The following CGREF1 variants were observed in gnomAD, a reference collection of about 807,000 sequenced individuals.
CGREF1 encodes cell growth regulator with EF hand domain protein 1.
Under a neutral mutation model 17.4 loss-of-function variants are expected in CGREF1, and 16 were observed. That is an observed-to-expected ratio of 0.92 (90% confidence interval 0.62 to 1.40). The LOEUF is 1.40. Ranked by LOEUF, CGREF1 falls within the 40% of genes most tolerant of loss-of-function variation. CGREF1 has a pLI of 0.00. For missense variants in CGREF1, 296 were observed against 376.4 expected (o/e 0.79, Z 1.77); for synonymous variants, 142 against 154.6 (o/e 0.92, Z 0.61).
chr2:27,107,647 AAAAG>A (rs1174906001), intron 1 of CGREF1, among the ~76,000 whole-genome samples: 1 of 151,678 alleles, frequency 6.6e-6, no homozygotes, highest in Non-Finnish European at 1.5e-5. Flanking sequence ...AAAAAAAAAA[AAAAG>A]AGGCCGGGTG....
rs916438228 is a variant in CGREF1 at position 27,101,517 on chromosome 2, G to A, written c.714C>T (p.Pro238=). The change falls in exon 6 of 6, where the codon CCC becomes CCT. Residue 238 remains proline, a synonymous_variant. Transcript: ENST00000402394. ...CTGCCTGGCCCCCAGCTTCCCCTCT[G>A]GGCCCAGGGGCATCTCCTTTAGCCT... ...QAEAKGDAPG[P]RGEAGGQAEA... The A allele has an allele frequency of 1.2e-6, 2 of 1,607,064 alleles. No individual in the cohort carries two copies. Among genetic ancestry groups the A allele is most frequent in the Admixed American group, 3.4e-5 (2 of 59,514 alleles).
intron 1 of CGREF1, among the ~76,000 whole-genome samples, chr2:27,116,896 TC>T (rs1671597249): frequency 2.5e-5 from 3 of 119,360 alleles, no homozygotes; most frequent in African/African-American, 9.6e-5. Context: ...TCTCTCTCTC[TC>T]TCTCTCTCTC....
chr2:27,100,599 T>C lies in CGREF1; in HGVS notation c.*675A>G. 1 of 1,252,070 alleles carries C rather than the reference T, an allele frequency of 8.0e-7. No individual in the cohort carries two copies. Among genetic ancestry groups the C allele is most frequent in the Non-Finnish European group, 1.0e-6 (1 of 956,184 alleles). The allele number at this position is 1,252,070 out of a possible 1,614,324, so 77.6% of individuals were successfully genotyped here. ...GCTTTAGAGTGAGACAGACCTGGAT[T>C]AAAATCTGCCATTTAATTAGCTGCA... On this transcript the variant is annotated 3_prime_UTR_variant, in exon 6 of 6. Coordinates refer to ENST00000402394, the MANE Select transcript of CGREF1 (RefSeq NM_006569.6).
At position 27,101,095 on chromosome 2, in the gene CGREF1, T is replaced by G. The variant is rs76649658; in HGVS notation, c.*179A>C. On this transcript the variant is annotated 3_prime_UTR_variant, in exon 6 of 6. Transcript: ENST00000402394. ...CGGGGGGATGAATTCATTCAGTTCTTTATTGGTAATCTGCCCCTTAACTTA... is the reference window on the plus strand; with the variant it reads ...CGGGGGGATGAATTCATTCAGTTCTGTATTGGTAATCTGCCCCTTAACTTA... 0.043 allele frequency: 59,015 copies of G among 1,364,184 alleles called. 1,495 individuals are homozygous for G. Among genetic ancestry groups the G allele is most frequent in the Non-Finnish European group, 0.049 (52,133 of 1,065,256 alleles). The allele number at this position is 1,364,184 out of a possible 1,614,324, so 84.5% of individuals were successfully genotyped here.
rs531749625 is a variant in CGREF1 at position 27,111,733 on chromosome 2, GGGCCGGCGGGGCC to G, written c.-12+7100_-12+7112del. Among the ~76,000 whole-genome samples the G allele has an allele frequency of 7.1e-3, 1,086 of 152,136 alleles. 11 individuals are homozygous for G. The highest frequency in any genetic ancestry group is 0.025 in the African/African-American group (1,036 of 41,552). ...CAGGTGCTAAGCCCCTCACTGCCCG[GGGCCGGCGGGGCC>G]GGCCGGCAGCTCCGAGTGCTGGGCC... On this transcript the variant is annotated intron_variant, in intron 1 of 5. Coordinates refer to ENST00000402394, the MANE Select transcript of CGREF1 (RefSeq NM_006569.6).
Position 27,102,332 on chromosome 2 carries a change from C to T in CGREF1, c.217+28G>A, listed in dbSNP as rs760789940. On this transcript the variant is annotated intron_variant, in intron 4 of 5. Coordinates refer to ENST00000402394, the MANE Select transcript of CGREF1 (RefSeq NM_006569.6). The stretch of plus-strand genomic sequence containing the variant: ...GATCTGGCTGCCCAGAGCCTCCCGT[C>T]CCTGGCCCCATCAGCCCAGCCCCTC... 9.9e-6 allele frequency: 16 copies of T among 1,613,594 alleles called. No homozygotes were observed. The African/African-American group carries it at 2.0e-4, about 20-fold the overall frequency.
chr2:27,107,189 T>C (rs1671153069), intron 1 of CGREF1, among the ~76,000 whole-genome samples: 1 of 152,170 alleles, frequency 6.6e-6, no homozygotes, highest in African/African-American at 2.4e-5. Context: ...CAGGGAAAAG[T>C]AGACTTGGAA....
intron 1 of CGREF1, among the ~76,000 whole-genome samples, chr2:27,112,940 C>A (rs1319677154): frequency 1.3e-5 from 2 of 152,152 alleles, no homozygotes; most frequent in African/African-American, 4.8e-5. Flanking sequence ...TGGGCCTCAG[C>A]AGGAAGTAGA....
At chr2:27,106,607 GATTT>G (rs1392154273) in intron 1 of CGREF1, among the ~76,000 whole-genome samples, 1 of 152,088 alleles carries the variant, frequency 6.6e-6, no homozygotes, top group Non-Finnish European at 1.5e-5. Flanking sequence ...ATCTAATGTG[GATTT>G]TTTGTTTTTG....
intron 1 of CGREF1, among the ~76,000 whole-genome samples, chr2:27,113,298 T>C (rs1024270160): frequency 6.6e-6 from 1 of 151,856 alleles, no homozygotes; most frequent in Non-Finnish European, 1.5e-5. Flanking sequence ...GAGAATACCA[T>C]GGAAAGCACC....
chr2:27,111,784 C>G (rs899110833), intron 1 of CGREF1, among the ~76,000 whole-genome samples: 18 of 152,122 alleles, frequency 1.2e-4, no homozygotes, highest in African/African-American at 4.3e-4. Context: ...CGAGCCCACG[C>G]CCACCCGGAA....
At chr2:27,099,581 A>T, downstream of CGREF1, 7 of 1,614,112 alleles carry the variant, frequency 4.3e-6, no homozygotes, top group Non-Finnish European at 5.9e-6. Context: ...TCCCAGGGTG[A>T]GTATGGCAGC....
intron 1 of CGREF1, among the ~76,000 whole-genome samples, chr2:27,107,036 G>A (rs1381069035): frequency 6.6e-6 from 1 of 152,220 alleles, no homozygotes; most frequent in Non-Finnish European, 1.5e-5. Flanking sequence ...ACTGGCAGAG[G>A]AAAACACACA....
chr2:27,112,259 G>C (rs1352161273), intron 1 of CGREF1, among the ~76,000 whole-genome samples: 1 of 152,132 alleles, frequency 6.6e-6, no homozygotes, highest in Non-Finnish European at 1.5e-5. Context: ...CTGGGTGACA[G>C]AGTGAGACCC....
At chr2:27,109,835 A>C (rs1572899907) in intron 1 of CGREF1, among the ~76,000 whole-genome samples, 1 of 145,156 alleles carries the variant, frequency 6.9e-6, no homozygotes, top group East Asian at 2.1e-4. Context: ...TGGTGAGCCG[A>C]GATCACACCA....
At chr2:27,107,617 G>C (rs114425244) in intron 1 of CGREF1, among the ~76,000 whole-genome samples, 1 of 150,724 alleles carries the variant, frequency 6.6e-6, no homozygotes, top group Admixed American at 6.6e-5. Context: ...AGAGTTTTCC[G>C]GCCAGCAACA....
chr2:27,113,384 A>G (rs957324947), intron 1 of CGREF1, among the ~76,000 whole-genome samples: 7 of 152,210 alleles, frequency 4.6e-5, no homozygotes, highest in Non-Finnish European at 8.8e-5. Context: ...TTGTACAATA[A>G]GGATAAATAT....
Position 27,119,070 on chromosome 2 carries a change from C to G in CGREF1, c.-236G>C, listed in dbSNP as rs1424328187. 1 of 152,526 alleles carries G rather than the reference C, an allele frequency of 6.6e-6. No homozygotes were observed. Among genetic ancestry groups the G allele is most frequent in the Admixed American group, 6.6e-5 (1 of 15,256 alleles). The allele number at this position is 152,526 out of a possible 1,614,324, so 9.4% of individuals were successfully genotyped here. A position where few individuals can be genotyped will look rare whatever the true frequency, so the allele number is the denominator to read the frequency against. On this transcript the variant is annotated 5_prime_UTR_variant, in exon 1 of 6. Coordinates refer to ENST00000402394, the MANE Select transcript of CGREF1 (RefSeq NM_006569.6). The surrounding 1 kb of genome is among the most constrained non-coding windows in gnomAD (Gnocchi z 5.6). ...CTGGCCCTTCGCAGCTCCACCAGCG[C>G]CCCCGCTGCGCCCGCGGCCGGAGGG... is the stretch of plus-strand genomic sequence containing the variant.
chr2:27,116,400 G>A (rs1216643189), intron 1 of CGREF1, among the ~76,000 whole-genome samples: 1 of 151,648 alleles, frequency 6.6e-6, no homozygotes, highest in Non-Finnish European at 1.5e-5. Flanking sequence ...AGTGGCACGT[G>A]CCTGTAATCC....
Sources: allele counts gnomAD v4.1 joint callset (sites outside exome capture counted in the v4.1 genomes callset), GRCh38; gene constraint gnomAD v4.1.1; non-coding constraint Gnocchi (gnomAD v3.1); transcripts MANE v1.5; gene names NCBI Gene and HGNC (gene_info 2026-07-23, HGNC 2026-07-21).